Variants in KIRREL3 observed in about 807,000 individuals in gnomAD.
KIRREL3 encodes the protein kirre like nephrin family adhesion molecule 3.
Under a neutral mutation model 89.7 loss-of-function variants are expected in KIRREL3, and 36 were observed. The observed-to-expected ratio is 0.40, with a 90% CI of 0.31 to 0.53. The LOEUF (loss-of-function observed/expected upper bound fraction) is 0.53. KIRREL3 is among the 20% of genes least tolerant of loss of function. The pLI is 0.49. For missense variants in KIRREL3, 864 were observed against 1,056.6 expected (o/e 0.82, Z 2.53); for synonymous variants, 445 against 441.4 (o/e 1.01, Z -0.10).
At chr11:126,957,470 G>C (rs1021917689) in intron 1 of KIRREL3, among the ~76,000 whole-genome samples, 5 of 152,188 alleles carry the variant, frequency 3.3e-5, no homozygotes, top group African/African-American at 1.2e-4. Flanking sequence ...CAAAAGGCTT[G>C]TCAAAGGCTG....
rs1484780371 is a variant in KIRREL3, at chr11:126,879,371, G to C, written c.55+121084C>G. On this transcript the variant is annotated intron_variant, in intron 1 of 16. Coordinates refer to ENST00000525144, the MANE Select transcript of KIRREL3 (RefSeq NM_032531.4). The surrounding 1 kb of genome is among the most constrained non-coding windows in gnomAD (Gnocchi z 5.4). ...CCGTCACACACATCTGGAAATGTAT[G>C]TTTCAACTCTTTCTTTTTTGTGGCA... Among the ~76,000 whole-genome samples the C allele has an allele frequency of 6.6e-6, 1 of 152,196 alleles. No individual in the cohort carries two copies. Among genetic ancestry groups the C allele is most frequent in the Non-Finnish European group, 1.5e-5 (1 of 68,022 alleles).
chr11:126,441,186 C>T lies in KIRREL3; in HGVS notation c.1253-637G>A, dbSNP rs1168380452. Among the ~76,000 whole-genome samples the T allele has an allele frequency of 1.3e-5, 2 of 152,234 alleles. No homozygotes were observed. Among genetic ancestry groups the T allele is most frequent in the East Asian group, 3.8e-4 (2 of 5,200 alleles). ...CTCAGGAGGTCCTGCAGTTCATCATCTTGTCTGCCTCCACGTCCATACCCA... is the reference window on the plus strand; with the variant it reads ...CTCAGGAGGTCCTGCAGTTCATCATTTTGTCTGCCTCCACGTCCATACCCA... On this transcript the variant is annotated intron_variant, in intron 10 of 16. Coordinates refer to ENST00000525144, the MANE Select transcript of KIRREL3 (RefSeq NM_032531.4). This position sits in a 1 kb window ranked among gnomAD's most constrained non-coding sequence, Gnocchi z 5.0.
chr11:126,554,557 C>A (rs1324033301), intron 2 of KIRREL3, among the ~76,000 whole-genome samples: 1 of 152,150 alleles, frequency 6.6e-6, no homozygotes, highest in African/African-American at 2.4e-5. Context: ...TTATCCAGTC[C>A]CAGCATCTTG....
At position 126,994,661 on chromosome 11, in the gene KIRREL3, T is replaced by G. The variant is rs1489982633; in HGVS notation, c.55+5794A>C. Among the ~76,000 whole-genome samples, 1 of 152,146 alleles carries G rather than the reference T, an allele frequency of 6.6e-6. No homozygotes were observed. The highest frequency in any genetic ancestry group is 1.5e-5 in the Non-Finnish European group (1 of 68,028). On this transcript the variant is annotated intron_variant, in intron 1 of 16. Coordinates refer to ENST00000525144, the MANE Select transcript of KIRREL3 (RefSeq NM_032531.4). The surrounding 1 kb of genome is among the most constrained non-coding windows in gnomAD (Gnocchi z 5.2). ...ACCACTGGGAGAGGAGAAAAAGAATTAAAAAGCATAATGGTCCTAGCTCCT... is the reference window on the plus strand; with the variant it reads ...ACCACTGGGAGAGGAGAAAAAGAATGAAAAAGCATAATGGTCCTAGCTCCT...
rs1057257224 is a variant in KIRREL3, at chr11:126,491,464, G to C, written c.434-17998C>G. On this transcript the variant is annotated intron_variant, in intron 4 of 16. Coordinates refer to ENST00000525144, the MANE Select transcript of KIRREL3 (RefSeq NM_032531.4). The surrounding 1 kb of genome is among the most constrained non-coding windows in gnomAD (Gnocchi z 5.5). ...GACTCTGGCTAAAGCCTGCATCCTG[G>C]TTCTCTGCTCCCATCTGGGCCAGAC... Among the ~76,000 whole-genome samples the C allele has an allele frequency of 4.6e-5, 7 of 152,140 alleles. No individual in the cohort carries two copies. The highest frequency in any genetic ancestry group is 1.2e-4 in the African/African-American group (5 of 41,438).
chr11:126,987,285 C>T lies in KIRREL3; in HGVS notation c.55+13170G>A, dbSNP rs892343287. ...AGCAAATCTAGCAGAGTCTATAGTA[C>T]GCATAAAGTCAACAATGAACAAGAC... On this transcript the variant is annotated intron_variant, in intron 1 of 16. Coordinates refer to ENST00000525144, the MANE Select transcript of KIRREL3 (RefSeq NM_032531.4). The surrounding 1 kb of genome is among the most constrained non-coding windows in gnomAD (Gnocchi z 4.6). Among the ~76,000 whole-genome samples the T allele has an allele frequency of 3.3e-5, 5 of 152,216 alleles. No individual in the cohort carries two copies. Among genetic ancestry groups the T allele is most frequent in the African/African-American group, 4.8e-5 (2 of 41,530 alleles).
At chr11:126,712,284 T>TGC (rs1555180278) in intron 1 of KIRREL3, among the ~76,000 whole-genome samples, 38 of 151,530 alleles carry the variant, frequency 2.5e-4, no homozygotes, top group Non-Finnish European at 3.2e-4. Context: ...TGTGTGTGTG[T>TGC]GCGCGCGTGC....
chr11:126,671,825 G>C (rs971465588), intron 1 of KIRREL3, among the ~76,000 whole-genome samples: 1 of 152,190 alleles, frequency 6.6e-6, no homozygotes, highest in African/African-American at 2.4e-5. Context: ...TTGCTGCTGG[G>C]AATGCAAAGT....
intron 1 of KIRREL3, among the ~76,000 whole-genome samples, chr11:126,593,130 T>C (rs1287622290): frequency 6.6e-6 from 1 of 152,156 alleles, no homozygotes; most frequent in Non-Finnish European, 1.5e-5. Flanking sequence ...AACAGATGCT[T>C]ACCACGGAAC....
chr11:126,726,532 T>G (rs1301245108), intron 1 of KIRREL3, among the ~76,000 whole-genome samples: 1 of 152,200 alleles, frequency 6.6e-6, no homozygotes, highest in African/African-American at 2.4e-5. Context: ...CACGCCTGGC[T>G]AAATTTTGTA....
At chr11:126,616,351 G>A (rs1591821925) in intron 1 of KIRREL3, among the ~76,000 whole-genome samples, 2 of 152,182 alleles carry the variant, frequency 1.3e-5, no homozygotes, top group East Asian at 1.9e-4. Context: ...AGCCTGACAA[G>A]CTGTGCGTTC....
In KIRREL3 at chr11:126,455,253, G is replaced by T. The variant is rs1956299888; in HGVS notation, c.848+1096C>A. 6.6e-6 allele frequency among the ~76,000 whole-genome samples: 1 copy of T among 152,214 alleles called. No homozygotes were observed. Among genetic ancestry groups the T allele is most frequent in the African/African-American group, 2.4e-5 (1 of 41,458 alleles). ...GCAAGTTCCACGTGGCACCCAAAAG[G>T]AGGTGAGTCTGCCCTTGAGTGCCTC... On this transcript the variant is annotated intron_variant, in intron 7 of 16. Transcript: ENST00000525144. This position sits in a 1 kb window ranked among gnomAD's most constrained non-coding sequence, Gnocchi z 6.4.
Position 126,669,481 on chromosome 11 carries a change from A to C in KIRREL3, c.56-106569T>G, listed in dbSNP as rs1565635526. Reference sequence around the variant, plus strand: ...TAGTTAATGCTTGTAATATCTATGTATTTAAGGGCTTAATCATGGGCGGTT... The same window carrying C: ...TAGTTAATGCTTGTAATATCTATGTCTTTAAGGGCTTAATCATGGGCGGTT... On this transcript the variant is annotated intron_variant, in intron 1 of 16. Coordinates refer to ENST00000525144, the MANE Select transcript of KIRREL3 (RefSeq NM_032531.4). This position sits in a 1 kb window ranked among gnomAD's most constrained non-coding sequence, Gnocchi z 5.0. 6.6e-6 allele frequency among the ~76,000 whole-genome samples: 1 copy of C among 152,184 alleles called. No individual in the cohort carries two copies. The highest frequency in any genetic ancestry group is 1.5e-5 in the Non-Finnish European group (1 of 68,022).
Position 126,719,343 on chromosome 11 carries a change from T to A in KIRREL3, c.56-156431A>T, listed in dbSNP as rs1372149028. Among the ~76,000 whole-genome samples the A allele has an allele frequency of 6.6e-6, 1 of 152,214 alleles. No individual in the cohort carries two copies. Among genetic ancestry groups the A allele is most frequent in the East Asian group, 1.9e-4 (1 of 5,190 alleles). On this transcript the variant is annotated intron_variant, in intron 1 of 16. Transcript: ENST00000525144. The surrounding 1 kb of genome is among the most constrained non-coding windows in gnomAD (Gnocchi z 4.7). ...CTTAGCCTCTGGGAGAGCAGTCTCT[T>A]ACGGGTCTACTCTTACTCACAGCTA...
intron 1 of KIRREL3, among the ~76,000 whole-genome samples, chr11:126,972,007 G>C (rs577790905): frequency 9.2e-5 from 14 of 152,314 alleles, no homozygotes; most frequent in African/African-American, 3.4e-4. Flanking sequence ...TGCTGCAGAA[G>C]TGACACACAA....
At chr11:126,849,124 C>A (rs1421647075) in intron 1 of KIRREL3, among the ~76,000 whole-genome samples, 1 of 152,140 alleles carries the variant, frequency 6.6e-6, no homozygotes, top group East Asian at 1.9e-4. Context: ...GTCATAAAGA[C>A]CTTGTTGATA....
rs908617651 is a variant in KIRREL3, at chr11:126,948,678, C to T, written c.55+51777G>A. On this transcript the variant is annotated intron_variant, in intron 1 of 16. Transcript: ENST00000525144. The surrounding 1 kb of genome is among the most constrained non-coding windows in gnomAD (Gnocchi z 4.5). ...CTTCAAAATCTGGCTAGGATTTCCA[C>T]CTCCTCAGGGAGTCTGCCTTGACTG... Among the ~76,000 whole-genome samples the T allele has an allele frequency of 1.3e-5, 2 of 152,226 alleles. No individual in the cohort carries two copies. The highest frequency in any genetic ancestry group is 4.8e-5 in the African/African-American group (2 of 41,462).
At chr11:126,457,508 T>A (rs1191250489) in intron 6 of KIRREL3, among the ~76,000 whole-genome samples, 1 of 151,730 alleles carries the variant, frequency 6.6e-6, no homozygotes, top group Non-Finnish European at 1.5e-5. Context: ...CGTGTGTGTA[T>A]GTGTGTGTGT....
At chr11:126,533,244 G>T (rs1475703630) in intron 2 of KIRREL3, among the ~76,000 whole-genome samples, 1 of 152,216 alleles carries the variant, frequency 6.6e-6, no homozygotes, top group African/African-American at 2.4e-5. Context: ...GGGGCCCACA[G>T]CACTGGCAGT....
Sources: gnomAD v4.1 joint callset for allele counts (sites outside exome capture counted in the v4.1 genomes callset) on GRCh38, gnomAD v4.1.1 for gene constraint, Gnocchi (gnomAD v3.1) non-coding constraint, MANE v1.5 for transcripts, NCBI Gene and HGNC (gene_info 2026-07-23, HGNC 2026-07-21) for gene names.